The following CHRM5 variants were observed in gnomAD, a reference collection of about 807,000 sequenced individuals.
CHRM5 encodes muscarinic acetylcholine receptor M5.
In CHRM5, 18 loss-of-function variants were observed where a neutral mutation model predicts 39.0. The observed-to-expected ratio is 0.46, with a 90% CI of 0.32 to 0.68. CHRM5 has a LOEUF of 0.68. Ranked by LOEUF, CHRM5 falls within the 30% of genes least tolerant of loss-of-function variation. The pLI is 0.04. For missense variants in CHRM5, 515 were observed against 651.1 expected (o/e 0.79, Z 2.28); for synonymous variants, 241 against 246.3 (o/e 0.98, Z 0.20).
At chr15:33,998,415 G>C (rs1414173658) in intron 1 of CHRM5, among the ~76,000 whole-genome samples, 1 of 151,998 alleles carries the variant, frequency 6.6e-6, no homozygotes, top group Non-Finnish European at 1.5e-5. Flanking sequence ...TTGAGCCCAG[G>C]AATTCGAGAC....
chr15:34,064,337 A>T lies in CHRM5; in HGVS notation c.*21A>T. 1 of 1,595,226 alleles carries T rather than the reference A, an allele frequency of 6.3e-7. No homozygotes were observed. The highest frequency in any genetic ancestry group is 8.5e-7 in the Non-Finnish European group (1 of 1,171,498). On this transcript the variant is annotated 3_prime_UTR_variant, in exon 3 of 3. Coordinates refer to ENST00000383263, the MANE Select transcript of CHRM5 (RefSeq NM_012125.4). ...CCTGAAAAGTCAACAACTCCTCTCG[A>T]AAGAACAATGACCACAGTCAACATC...
At chr15:34,038,975 G>A (rs1899322446) in intron 1 of CHRM5, 1 of 1,112,544 alleles carries the variant, frequency 9.0e-7, no homozygotes, top group African/African-American at 1.7e-5. Flanking sequence ...GCTCGCTGTG[G>A]CGATCTCCGC....
chr15:33,999,738 C>T (rs1897067062), intron 1 of CHRM5, among the ~76,000 whole-genome samples: 1 of 152,158 alleles, frequency 6.6e-6, no homozygotes, highest in Non-Finnish European at 1.5e-5. Flanking sequence ...TAGTGGCTTC[C>T]TAACTAGTCT....
At chr15:33,974,600 A>G (rs1031638332) in intron 1 of CHRM5, among the ~76,000 whole-genome samples, 3 of 152,210 alleles carry the variant, frequency 2.0e-5, no homozygotes, top group African/African-American at 7.2e-5. Context: ...TAGTCTGAAG[A>G]TGCTCAGGGT....
intron 1 of CHRM5, chr15:34,003,198 GTCA>G: frequency 6.2e-7 from 1 of 1,613,118 alleles, no homozygotes; most frequent in Non-Finnish European, 8.5e-7. Context: ...CTGCATCGCT[GTCA>G]TCTTCAACCT....
Position 34,064,599 on chromosome 15 carries a change from A to C in CHRM5, c.*283A>C. On this transcript the variant is annotated 3_prime_UTR_variant, in exon 3 of 3. Coordinates refer to ENST00000383263, the MANE Select transcript of CHRM5 (RefSeq NM_012125.4). ...CTCATGGCCCTTCACAAGAGGAAGC[A>C]CACTGGGTAACAATGAACAGTGACT... is the stretch of plus-strand genomic sequence containing the variant. 1 of 418,112 alleles carries C rather than the reference A, an allele frequency of 2.4e-6. No homozygotes were observed. Among genetic ancestry groups the C allele is most frequent in the African/African-American group, 2.0e-5 (1 of 49,936 alleles). 25.9% of individuals were successfully genotyped at this position (418,112 alleles called of 1,614,324 possible).
intron 1 of CHRM5, among the ~76,000 whole-genome samples, chr15:33,998,702 T>C (rs187872787): frequency 3.9e-4 from 60 of 152,312 alleles, no homozygotes; most frequent in Admixed American, 2.0e-3. Flanking sequence ...CAATTCTTCA[T>C]TGTCATCAAC....
At chr15:33,984,687 GCA>G (rs1157057669) in intron 1 of CHRM5, among the ~76,000 whole-genome samples, 2 of 152,068 alleles carry the variant, frequency 1.3e-5, no homozygotes, top group African/African-American at 4.8e-5. Flanking sequence ...CAGGTGTGAG[GCA>G]CTGCACCCAG....
chr15:34,012,325 A>G (rs1013197916), intron 1 of CHRM5, among the ~76,000 whole-genome samples: 3 of 152,220 alleles, frequency 2.0e-5, no homozygotes, highest in African/African-American at 7.2e-5. Context: ...TATAAGTAAA[A>G]CATTTCCTTT....
intron 1 of CHRM5, among the ~76,000 whole-genome samples, chr15:34,016,753 G>T (rs143972786): frequency 3.9e-5 from 6 of 152,140 alleles, no homozygotes; most frequent in Admixed American, 3.3e-4. Flanking sequence ...TAACCGTTTG[G>T]TCAAAAACAA....
chr15:34,026,227 A>G (rs1474791106), intron 1 of CHRM5, among the ~76,000 whole-genome samples: 1 of 151,888 alleles, frequency 6.6e-6, no homozygotes, highest in Non-Finnish European at 1.5e-5. Context: ...TCCCAGTTTT[A>G]TGAGAAAAGA....
intron 1 of CHRM5, among the ~76,000 whole-genome samples, chr15:33,998,622 T>A (rs943994361): frequency 2.1e-4 from 32 of 152,174 alleles, no homozygotes; most frequent in African/African-American, 7.7e-4. Flanking sequence ...CAAGAAAAAA[T>A]TTATGCCACC....
intron 1 of CHRM5, among the ~76,000 whole-genome samples, chr15:34,040,655 G>A (rs747212936): frequency 3.3e-5 from 5 of 151,986 alleles, no homozygotes; most frequent in African/African-American, 4.8e-5. Context: ...CAGGCCAGGT[G>A]TGTGGTTCGT....
At chr15:33,973,159 C>T (rs1387680343) in intron 1 of CHRM5, among the ~76,000 whole-genome samples, 1 of 152,192 alleles carries the variant, frequency 6.6e-6, no homozygotes, top group Non-Finnish European at 1.5e-5. Flanking sequence ...TTTGACGTCA[C>T]ACTGTTGTCA....
At chr15:34,020,068 T>C (rs1898134227) in intron 1 of CHRM5, among the ~76,000 whole-genome samples, 2 of 152,150 alleles carry the variant, frequency 1.3e-5, no homozygotes, top group South Asian at 2.1e-4. Flanking sequence ...TCCCAGCACT[T>C]TGGGAGGCCA....
At chr15:33,972,594 GAA>G (rs1895689008) in intron 1 of CHRM5, 1 of 152,132 alleles carries the variant, frequency 6.6e-6, no homozygotes, top group African/African-American at 2.4e-5. Context: ...TGTGTTCTCT[GAA>G]AGTCTTCAAC....
At chr15:33,995,437 G>A (rs1306268293) in intron 1 of CHRM5, among the ~76,000 whole-genome samples, 1 of 152,088 alleles carries the variant, frequency 6.6e-6, no homozygotes, top group Non-Finnish European at 1.5e-5. Context: ...TTTTTGCATA[G>A]GTTATATGCA....
intron 1 of CHRM5, among the ~76,000 whole-genome samples, 197 bp from the exon 2 acceptor site, chr15:34,046,343 G>GTAA (rs1555520151): frequency 7.1e-6 from 1 of 141,434 alleles, no homozygotes; most frequent in Non-Finnish European, 1.5e-5. Context: ...AGTGAGGCAG[G>GTAA]AAAAAAAAAA....
chr15:34,006,107 C>G (rs774005726), intron 1 of CHRM5, among the ~76,000 whole-genome samples: 1 of 152,124 alleles, frequency 6.6e-6, no homozygotes, highest in African/African-American at 2.4e-5. Flanking sequence ...GTGAGGAGAT[C>G]GAGACCATCC....
Sources: allele counts gnomAD v4.1 joint callset (sites outside exome capture counted in the v4.1 genomes callset), GRCh38; gene constraint gnomAD v4.1.1; transcripts MANE v1.5; gene names NCBI Gene and HGNC (gene_info 2026-07-23, HGNC 2026-07-21).